Variants in ABCC4 observed in about 807,000 individuals in gnomAD.
The protein encoded by ABCC4 is ATP binding cassette subfamily C member 4 (PEL blood group).
Under a neutral mutation model 168.5 loss-of-function variants are expected in ABCC4, and 102 were observed. The ratio of observed to expected loss-of-function variants is 0.61; its 90% CI spans 0.52 to 0.71. The LOEUF is 0.71. Ranked by LOEUF, ABCC4 falls within the 30% of genes least tolerant of loss-of-function variation. The pLI is 0.00. For synonymous variants in ABCC4, 617 were observed against 590.7 expected (o/e 1.04, Z -0.65); for missense variants, 1,402 against 1,605.8 (o/e 0.87, Z 2.17).
chr13:95,154,169 A>G (rs759235524), intron 19 of ABCC4, among the ~76,000 whole-genome samples: 1 of 152,176 alleles, frequency 6.6e-6, no homozygotes, highest in Non-Finnish European at 1.5e-5. Context: ...GTTATTATTA[A>G]CAAGAAAAAA....
intron 1 of ABCC4, among the ~76,000 whole-genome samples, chr13:95,249,930 A>G (rs2040211376): frequency 6.6e-6 from 1 of 152,216 alleles, no homozygotes; most frequent in Non-Finnish European, 1.5e-5. Context: ...GAGTTAAAGT[A>G]TCTGCAATCA....
rs189623831 is a variant in ABCC4 at position 95,103,667 on chromosome 13, A to C, written c.2535+12255T>G. Among the ~76,000 whole-genome samples, 65 of 152,290 alleles carry C rather than the reference A, an allele frequency of 4.3e-4. 1 individual carries two copies. Among genetic ancestry groups the C allele is most frequent in the African/African-American group, 1.4e-3 (60 of 41,564 alleles). ...GCATTCTGACCTGGATGTCCTAAAG[A>C]GAAACTTGTCCAAACCAGTATCCTT... is the stretch of plus-strand genomic sequence containing the variant. On this transcript the variant is annotated intron_variant, in intron 20 of 30. Transcript: ENST00000645237.
intron 29 of ABCC4, among the ~76,000 whole-genome samples, chr13:95,037,484 A>G (rs1392500058): frequency 6.6e-6 from 1 of 152,256 alleles, no homozygotes; most frequent in Non-Finnish European, 1.5e-5. Flanking sequence ...AGATGCTGAC[A>G]GCCAGAGATA....
chr13:95,096,109 T>C (rs2034587054), intron 20 of ABCC4: 1 of 580,842 alleles, frequency 1.7e-6, no homozygotes, highest in South Asian at 2.2e-5. Context: ...GAGGTTTGCT[T>C]GAGGAGGGAG....
intron 20 of ABCC4, among the ~76,000 whole-genome samples, chr13:95,112,502 T>C (rs533238900): frequency 1.3e-5 from 2 of 152,228 alleles, no homozygotes; most frequent in African/African-American, 4.8e-5. Context: ...ACTCCCTTTT[T>C]ATGAAGATAC....
intron 21 of ABCC4, among the ~76,000 whole-genome samples, chr13:95,077,364 G>C (rs991635635): frequency 2.0e-5 from 3 of 151,850 alleles, no homozygotes; most frequent in African/African-American, 7.3e-5. Context: ...TCTGAGACAG[G>C]GTCTCACTCT....
chr13:95,044,355 T>C lies in ABCC4; in HGVS notation c.3540A>G (p.Gly1180=), dbSNP rs756611814. The change falls in exon 28 of 31, where the codon GGA becomes GGG. Residue 1180 remains glycine (G), a synonymous_variant. Transcript: ENST00000645237. ...LAESGSNFSV[G]QRQLVCLARA... is the part of the protein sequence containing the mutation. ...TGGCAAGGCACACCAGTTGTCTTTGTCCAACACTAAAATTGGATCCTGATT... is the reference window on the plus strand; with the variant it reads ...TGGCAAGGCACACCAGTTGTCTTTGCCCAACACTAAAATTGGATCCTGATT... 9.9e-6 allele frequency: 16 copies of C among 1,613,824 alleles called. No individual in the cohort carries two copies. Among genetic ancestry groups the C allele is most frequent in the Non-Finnish European group, 1.3e-5 (15 of 1,179,936 alleles).
rs1428666466 is a variant in ABCC4, at chr13:95,194,876, T to C, written c.1223A>G (p.Lys408Arg). The C allele has an allele frequency of 6.2e-7, 1 of 1,614,148 alleles. No individual in the cohort carries two copies. Among genetic ancestry groups the C allele is most frequent in the Admixed American group, 1.7e-5 (1 of 60,018 alleles). The change falls in exon 9 of 31, where the codon AAG (lysine) becomes AGG (arginine). Residue 408 changes from lysine to arginine, a missense_variant. Transcript: ENST00000645237. Reference protein sequence around the residue: ...RNRQLPSDGKKMVHVQDFTAF... With the variant: ...RNRQLPSDGKRMVHVQDFTAF... ...AGTAAAATCCTGCACATGCACCATC[T>C]TTTTACCATCTGACGGCAGCTGACG...
In ABCC4 at chr13:95,020,246, C is replaced by A. The variant is rs1376922800; in HGVS notation, c.*1329G>T. The A allele has an allele frequency of 6.6e-6, 1 of 152,154 alleles. No homozygotes were observed. Among genetic ancestry groups the A allele is most frequent in the Non-Finnish European group, 1.5e-5 (1 of 68,026 alleles). 9.4% of individuals were successfully genotyped at this position (152,154 alleles called of 1,614,324 possible). On this transcript the variant is annotated 3_prime_UTR_variant, in exon 31 of 31. Transcript: ENST00000645237. ...AGCAAAAAACTTGCTATACGAAGGA[C>A]AAATATATGTATACAAACAAATGCA...
At chr13:95,268,793 C>T (rs1013737333) in intron 1 of ABCC4, among the ~76,000 whole-genome samples, 17 of 152,138 alleles carry the variant, frequency 1.1e-4, no homozygotes, top group Admixed American at 2.6e-4. Context: ...TCCCCCTCTC[C>T]GAGAAATAAT....
intron 11 of ABCC4, among the ~76,000 whole-genome samples, chr13:95,180,937 G>A (rs1398948140): frequency 1.3e-5 from 2 of 152,170 alleles, no homozygotes; most frequent in African/African-American, 4.8e-5. Context: ...AACTATTTAT[G>A]GACACGCCTC....
At chr13:95,204,542 C>T (rs1418580141) in intron 8 of ABCC4, among the ~76,000 whole-genome samples, 1 of 152,154 alleles carries the variant, frequency 6.6e-6, no homozygotes, top group Non-Finnish European at 1.5e-5. Context: ...CTTCCTGCCA[C>T]CCTGTGAAGA....
intron 3 of ABCC4, among the ~76,000 whole-genome samples, chr13:95,240,122 G>A (rs1002720677): frequency 1.3e-5 from 2 of 152,278 alleles, no homozygotes; most frequent in South Asian, 2.1e-4. Flanking sequence ...GGTACCAGAT[G>A]GACATGTTAA....
At chr13:95,228,319 C>T (rs944467623) in intron 4 of ABCC4, among the ~76,000 whole-genome samples, 5 of 152,160 alleles carry the variant, frequency 3.3e-5, no homozygotes, top group African/African-American at 4.8e-5. Flanking sequence ...TTGCATAGGG[C>T]GGCAGACATG....
At chr13:95,231,206 T>C (rs1303325919) in intron 4 of ABCC4, among the ~76,000 whole-genome samples, 2 of 151,994 alleles carry the variant, frequency 1.3e-5, no homozygotes, top group African/African-American at 2.4e-5. Flanking sequence ...GATGGTGGGG[T>C]TGGGAGGCAC....
At chr13:95,209,625 A>G in intron 5 of ABCC4, 28 bp from the exon 6 acceptor site, 1 of 1,588,418 alleles carries the variant, frequency 6.3e-7, no homozygotes, top group East Asian at 2.3e-5. Context: ...GAGCGTTCTT[A>G]GGACTCCAGA....
At chr13:95,245,540 C>G (rs373294384) in intron 3 of ABCC4, among the ~76,000 whole-genome samples, 3 of 152,320 alleles carry the variant, frequency 2.0e-5, no homozygotes, top group South Asian at 4.1e-4. Flanking sequence ...TGAAGAGGGG[C>G]TGGGAGAACC....
intron 1 of ABCC4, among the ~76,000 whole-genome samples, chr13:95,261,447 A>G (rs1456105183): frequency 1.3e-5 from 2 of 151,946 alleles, no homozygotes; most frequent in Admixed American, 6.6e-5. Context: ...AAGACTCCCT[A>G]TCAAAAAAAA....
chr13:95,043,658 G>A (rs1461522099), intron 29 of ABCC4, 24 bp downstream of exon 29: 2 of 1,563,016 alleles, frequency 1.3e-6, no homozygotes, highest in Admixed American at 1.7e-5. Flanking sequence ...GGAGCAACAG[G>A]AATTCCGCAG....
Sources: gnomAD v4.1 joint callset for allele counts (sites outside exome capture counted in the v4.1 genomes callset) on GRCh38, gnomAD v4.1.1 for gene constraint, MANE v1.5 for transcripts, NCBI Gene and HGNC (gene_info 2026-07-23, HGNC 2026-07-21) for gene names.